RBPJ: variants seen among roughly 807,000 people sequenced by gnomAD.
RBPJ encodes the protein recombining binding protein suppressor of hairless.
RBPJ carries 9 observed loss-of-function variants against 67.8 expected under a neutral mutation model. That is an observed-to-expected ratio of 0.13 (90% CI 0.08 to 0.23). RBPJ has a LOEUF of 0.23. Ranked by LOEUF, RBPJ falls within the 10% of genes least tolerant of loss-of-function variation. RBPJ has a pLI of 1.00. For synonymous variants in RBPJ, 198 were observed against 203.3 expected (o/e 0.97, Z 0.22); for missense variants, 305 against 595.6 (o/e 0.51, Z 5.08).
chr4:26,397,704 C>A (rs1354299102), intron 2 of RBPJ, among the ~76,000 whole-genome samples: 1 of 151,948 alleles, frequency 6.6e-6, no homozygotes, highest in African/African-American at 2.4e-5. Context: ...CGCGATCTTG[C>A]CTCACTGCAA....
At chr4:26,149,725 A>G in the RBPJ span, among the ~76,000 whole-genome samples, 3 of 152,180 alleles carry the variant, frequency 2.0e-5, no homozygotes, top group Admixed American at 6.5e-5. Flanking sequence ...GACTTTCCAG[A>G]CTCCAGAACC....
At chr4:26,320,817 T>C, upstream of RBPJ, 8 of 1,558,514 alleles carry the variant, frequency 5.1e-6, no homozygotes, top group Non-Finnish European at 6.1e-6. Context: ...ATCGCCTGGG[T>C]AGGTTTCCAG....
At chr4:26,362,517 G>T in intron 1 of RBPJ, 1 of 1,568,058 alleles carries the variant, frequency 6.4e-7, no homozygotes, top group Non-Finnish European at 8.6e-7. Context: ...ATCTCAAAAC[G>T]AAAGGAGAAT....
intron 1 of RBPJ, among the ~76,000 whole-genome samples, chr4:26,247,401 C>T (rs1426403961): frequency 6.6e-6 from 1 of 151,786 alleles, no homozygotes; most frequent in African/African-American, 2.4e-5. Context: ...TAAATTTTTT[C>T]ATAATACTTT....
chr4:26,243,047 A>G (rs757599338), intron 1 of RBPJ, among the ~76,000 whole-genome samples: 1 of 151,934 alleles, frequency 6.6e-6, no homozygotes, highest in Non-Finnish European at 1.5e-5. Flanking sequence ...ACCAACATGG[A>G]GAAACCCCGT....
At chr4:26,120,528 T>C in the RBPJ span, among the ~76,000 whole-genome samples, 1 of 152,176 alleles carries the variant, frequency 6.6e-6, no homozygotes, top group African/African-American at 2.4e-5. Context: ...TACATTCTCA[T>C]GGCCTTTCAT....
At chr4:26,286,212 C>T (rs1479625160) in intron 1 of RBPJ, among the ~76,000 whole-genome samples, 1 of 152,138 alleles carries the variant, frequency 6.6e-6, no homozygotes. Context: ...GGCATGATGA[C>T]TAGCGCCTGT....
intron 1 of RBPJ, among the ~76,000 whole-genome samples, chr4:26,309,141 C>T (rs942590575): frequency 1.1e-4 from 17 of 151,356 alleles, no homozygotes; most frequent in African/African-American, 2.2e-4. Context: ...CTTAGCCTCT[C>T]GAGTAGCTGG....
intron 1 of RBPJ, among the ~76,000 whole-genome samples, chr4:26,370,810 C>T (rs189905252): frequency 5.9e-5 from 9 of 152,178 alleles, no homozygotes; most frequent in African/African-American, 1.9e-4. Flanking sequence ...TCTGGGTACA[C>T]TGGCTCACGC....
chr4:26,428,949 A>C (rs970548570), intron 8 of RBPJ, 89 bp downstream of exon 8: 1 of 969,062 alleles, frequency 1.0e-6, no homozygotes, highest in African/African-American at 1.6e-5. Context: ...TTTGCTGTTA[A>C]TTATATACAA....
At chr4:26,157,818 G>T in the RBPJ span, among the ~76,000 whole-genome samples, 1 of 152,176 alleles carries the variant, frequency 6.6e-6, no homozygotes, top group South Asian at 2.1e-4. Flanking sequence ...GTAAGCTTAG[G>T]TTAGCCTACT....
the RBPJ span, among the ~76,000 whole-genome samples, chr4:26,128,819 T>G: frequency 3.3e-5 from 5 of 152,204 alleles, no homozygotes; most frequent in East Asian, 7.7e-4. Flanking sequence ...CATATTGTTC[T>G]TATGGTAGTG....
At chr4:26,187,116 G>C (rs1367605532) in intron 1 of RBPJ, among the ~76,000 whole-genome samples, 1 of 152,188 alleles carries the variant, frequency 6.6e-6, no homozygotes, top group African/African-American at 2.4e-5. Flanking sequence ...CAGCTACTTA[G>C]GAGGCTGAGG....
chr4:26,301,191 G>A (rs983990107), intron 1 of RBPJ, among the ~76,000 whole-genome samples: 1 of 152,118 alleles, frequency 6.6e-6, no homozygotes, highest in Non-Finnish European at 1.5e-5. Context: ...AGAAGTTAAG[G>A]AACATACCCA....
chr4:26,305,771 C>CTTTTTTTTTTTTTTTTTTTTTTTT (rs71276617), intron 1 of RBPJ, among the ~76,000 whole-genome samples: 12 of 67,770 alleles, frequency 1.8e-4, no homozygotes, highest in African/African-American at 5.3e-4. Flanking sequence ...ATTTTCTTTT[C>CTTTTTTTTTTTTTTTTTTTTTTTT]TTTTTTTTTT....
intron 1 of RBPJ, among the ~76,000 whole-genome samples, chr4:26,363,614 T>G (rs567524994): frequency 1.3e-5 from 2 of 151,564 alleles, no homozygotes; most frequent in African/African-American, 4.9e-5. Context: ...CATTTTTGTA[T>G]TTTTAGTAGA....
intron 4 of RBPJ, among the ~76,000 whole-genome samples, chr4:26,418,774 A>C (rs959826624): frequency 2.6e-5 from 4 of 152,160 alleles, no homozygotes; most frequent in African/African-American, 9.7e-5. Context: ...GCTTTAGTAC[A>C]TTGATACCCA....
Position 26,434,135 on chromosome 4 carries a change from A to G in RBPJ, c.*3128A>G, listed in dbSNP as rs1039852767. ...TTTCAGCGTTGAACACTAGTATACT[A>G]TCTAAATTTGCTGCTCACTTTCTTT... On this transcript the variant is annotated 3_prime_UTR_variant, in exon 11 of 11. Transcript: ENST00000355476. 1 of 152,222 alleles carries G rather than the reference A, an allele frequency of 6.6e-6. No homozygotes were observed. The highest frequency in any genetic ancestry group is 2.4e-5 in the African/African-American group (1 of 41,456). 9.4% of individuals were successfully genotyped at this position (152,222 alleles called of 1,614,324 possible).
rs142478838 is a variant in RBPJ, at chr4:26,218,239, A to G, written c.-167+54625A>G. Among the ~76,000 whole-genome samples the G allele has an allele frequency of 2.8e-3, 434 of 152,312 alleles. 1 individual carries two copies. The highest frequency in any genetic ancestry group is 0.024 in the Middle Eastern group (7 of 294). ...AGCTGTCGCCGGTGGGTACGTGCAAACACAGACTCTCTGTTGTTGATGGGG... is the reference window on the plus strand; with the variant it reads ...AGCTGTCGCCGGTGGGTACGTGCAAGCACAGACTCTCTGTTGTTGATGGGG... On this transcript the variant is annotated intron_variant, in intron 1 of 4. Coordinates refer to the RBPJ transcript ENST00000512351.
Sources: allele counts gnomAD v4.1 joint callset (sites outside exome capture counted in the v4.1 genomes callset), GRCh38; gene constraint gnomAD v4.1.1; transcripts MANE v1.5; gene names NCBI Gene and HGNC (gene_info 2026-07-23, HGNC 2026-07-21).